The following PRDM8 variants were observed in gnomAD, a reference collection of about 807,000 sequenced individuals.
The protein encoded by PRDM8 is PR domain zinc finger protein 8.
A neutral mutation model predicts 46.5 loss-of-function variants in PRDM8; 13 were observed. The observed-to-expected ratio is 0.28, with a 90% CI of 0.18 to 0.44. The LOEUF (loss-of-function observed/expected upper bound fraction) is 0.44, where lower values mean the gene tolerates loss of function less well. Ranked by LOEUF, PRDM8 falls within the 20% of genes least tolerant of loss-of-function variation. The pLI, the probability that PRDM8 is intolerant of heterozygous loss-of-function variation, is 1.00. For missense variants in PRDM8, 998 were observed against 955.0 expected (o/e 1.04, Z -0.59); for synonymous variants, 473 against 438.4 (o/e 1.08, Z -0.98).
At chr4:80,188,372 T>A (rs1318061150) in intron 1 of PRDM8, among the ~76,000 whole-genome samples, 1 of 152,230 alleles carries the variant, frequency 6.6e-6, no homozygotes, top group Non-Finnish European at 1.5e-5. Flanking sequence ...ATAATATCCC[T>A]ATTTCACAGA....
intron 2 of PRDM8, among the ~76,000 whole-genome samples, chr4:80,192,348 T>G (rs1737617190): frequency 6.6e-6 from 1 of 152,236 alleles, no homozygotes; most frequent in East Asian, 1.9e-4. Flanking sequence ...ACACAGGTAC[T>G]GAATTGGGAT....
Position 80,201,929 on chromosome 4 carries a change from C to T in PRDM8, c.467C>T (p.Thr156Ile). ...CACTAAGCAGGGTCGTCCCCTTACA[C>T]ATGCCTGGAATGCAGCCAACGTTTC... ...HNKMNGSSPYTCLECSQRFQF... is the reference protein window; with the variant it reads ...HNKMNGSSPYICLECSQRFQF... Residue 156 changes from threonine (T) to isoleucine (I), a missense_variant, in exon 4 of 4, where the codon ACA becomes ATA. Physicochemically the swap from Thr to Ile is moderately conservative, Grantham distance 89 (BLOSUM62 -1). Transcript: ENST00000415738. 6.2e-7 allele frequency: 1 copy of T among 1,613,988 alleles called. No individual in the cohort carries two copies. Among genetic ancestry groups the T allele is most frequent in the South Asian group, 1.1e-5 (1 of 91,068 alleles).
Position 80,202,449 on chromosome 4 carries a change from G to C in PRDM8, c.987G>C (p.Leu329=). The change falls in exon 4 of 4, where the codon CTG becomes CTC. Residue 329 remains leucine, a synonymous_variant. Transcript: ENST00000415738. ...CGGAGGGCGGCGGTGGCGCTGGTCT[G>C]GTAGGGGGCCGGGGCCGCTTCGTAG... is the stretch of plus-strand genomic sequence containing the variant. ...EAAEGGGGAG[L]VGGRGRFVER... is the part of the protein sequence containing the mutation. 1 of 1,546,436 alleles carries C rather than the reference G, an allele frequency of 6.5e-7. No individual in the cohort carries two copies. Among genetic ancestry groups the C allele is most frequent in the Non-Finnish European group, 8.7e-7 (1 of 1,146,680 alleles).
chr4:80,203,802 T>TG lies in PRDM8; in HGVS notation c.*273dup, dbSNP rs940574256. ...AGAGCCAGGATGGTGGAGTTTTGAT[T>TG]GGGTGGGTTGTTTGAGGGGGTTTTC... On this transcript the variant is annotated 3_prime_UTR_variant, in exon 4 of 4. Transcript: ENST00000415738. 1.5e-5 allele frequency: 5 copies of TG among 323,688 alleles called. No homozygotes were observed. The highest frequency in any genetic ancestry group is 2.2e-5 in the Non-Finnish European group (4 of 180,916). 20.1% of individuals were successfully genotyped at this position (323,688 alleles called of 1,614,324 possible). A position where few individuals can be genotyped will look rare whatever the true frequency, so the allele number is the denominator to read the frequency against.
chr4:80,200,270 G>T lies in PRDM8; in HGVS notation c.190G>T (p.Asp64Tyr). 1 of 1,613,930 alleles carries T rather than the reference G, an allele frequency of 6.2e-7. No individual in the cohort carries two copies. The highest frequency in any genetic ancestry group is 2.2e-5 in the East Asian group (1 of 44,878). ...SIAFIALKST[D>Y]KRTVPYIFRV... The stretch of plus-strand genomic sequence containing the variant: ...AGCTTTCATAGCTCTCAAGTCTACT[G>T]ACAAGAGAACAGTACCGTATATCTT... Residue 64 changes from aspartate (D) to tyrosine (Y), a missense_variant, in exon 2 of 4, where the codon GAC becomes TAC. By Grantham distance (160) the Asp-to-Tyr change is radical (BLOSUM62 -3). Coordinates refer to ENST00000415738, the MANE Select transcript of PRDM8 (RefSeq NM_001099403.2).
rs1560472882 is a variant in PRDM8, at chr4:80,199,008, TTTTTTTTTTTA to T, written c.-2-1070_-2-1060del. On this transcript the variant is annotated intron_variant, in intron 1 of 3. Transcript: ENST00000415738. ...TTTTTTTTTTTGTTTTTTTTTTTTT[TTTTTTTTTTTA>T]GTGATAAGTCTTGTATGGGGTGTCC... is the stretch of plus-strand genomic sequence containing the variant. 3.4e-4 allele frequency among the ~76,000 whole-genome samples: 46 copies of T among 134,246 alleles called. 1 individual carries two copies. The highest frequency in any genetic ancestry group is 1.2e-3 in the African/African-American group (42 of 35,190). The allele number at this position is 134,246 out of a possible 152,430, so 88.1% of individuals were successfully genotyped here.
chr4:80,197,368 A>G (rs931117874), upstream of PRDM8: 23 of 967,702 alleles, frequency 2.4e-5, no homozygotes, highest in Non-Finnish European at 2.7e-5. Flanking sequence ...AGGCCGGGGG[A>G]AAAAGCTGCG....
At position 80,201,492 on chromosome 4, in the gene PRDM8, G is replaced by GC; in HGVS notation, c.426dup (p.Ser143LeufsTer2). On this transcript the variant is annotated frameshift_variant, in exon 3 of 4. Coordinates refer to ENST00000415738, the MANE Select transcript of PRDM8 (RefSeq NM_001099403.2). LOFTEE classifies it high-confidence loss of function. ...GAACTGACTGAGTTACTCTTGCTCT[G>GC]CCCCTCTAGATCCCACAACAAAATG... 6.2e-7 allele frequency: 1 copy of GC among 1,614,070 alleles called. No homozygotes were observed. Among genetic ancestry groups the GC allele is most frequent in the Admixed American group, 1.7e-5 (1 of 60,028 alleles).
intron 1 of PRDM8, among the ~76,000 whole-genome samples, chr4:80,188,598 C>T (rs1737299631): frequency 1.3e-5 from 2 of 152,206 alleles, no homozygotes. Context: ...CCTGAGTGTT[C>T]AAAATCCCAA....
intron 1 of PRDM8, chr4:80,190,199 G>A (rs967946881): frequency 3.3e-5 from 5 of 152,410 alleles, no homozygotes; most frequent in African/African-American, 9.6e-5. Flanking sequence ...GGTGGAAAGA[G>A]TGTTAGGTTC....
chr4:80,190,793 G>A (rs573640128), intron 1 of PRDM8, among the ~76,000 whole-genome samples: 4 of 152,282 alleles, frequency 2.6e-5, no homozygotes, highest in African/African-American at 7.2e-5. Context: ...CCTTGAGGAG[G>A]AGCAGCTAAT....
At position 80,204,320 on chromosome 4, in the gene PRDM8, TCAAAG is replaced by T. The variant is rs1738820217; in HGVS notation, c.*793_*797del. ...CTTTGACAATAAATGACTATTTTCTTCAAAGCAAATATTTGGAAAGTTTTTAAATT... is the reference window on the plus strand; with the variant it reads ...CTTTGACAATAAATGACTATTTTCTTCAAATATTTGGAAAGTTTTTAAATT... On this transcript the variant is annotated 3_prime_UTR_variant, in exon 4 of 4. Coordinates refer to ENST00000415738, the MANE Select transcript of PRDM8 (RefSeq NM_001099403.2). 1 of 152,696 alleles carries T rather than the reference TCAAAG, an allele frequency of 6.5e-6. No individual in the cohort carries two copies. The highest frequency in any genetic ancestry group is 2.4e-5 in the African/African-American group (1 of 41,474). The allele number at this position is 152,696 out of a possible 1,614,324, so 9.5% of individuals were successfully genotyped here.
chr4:80,201,219 G>A, intron 2 of PRDM8, 71 bp from the exon 3 acceptor site: 1 of 1,370,794 alleles, frequency 7.3e-7, no homozygotes, highest in South Asian at 1.2e-5. Context: ...TGATTCTTCT[G>A]ATTTCATTCC....
intron 3 of PRDM8, 114 bp downstream of exon 3, chr4:80,201,635 T>C (rs769208610): frequency 1.8e-6 from 2 of 1,102,012 alleles, no homozygotes; most frequent in Admixed American, 2.3e-5. Flanking sequence ...GGGTGTCTCA[T>C]AGGAAGATTC....
rs755993425 is a variant in PRDM8 at position 80,203,077 on chromosome 4, C to G, written c.1615C>G (p.Pro539Ala). 3 of 1,568,032 alleles carry G rather than the reference C, an allele frequency of 1.9e-6. No homozygotes were observed. The highest frequency in any genetic ancestry group is 2.8e-5 in the African/African-American group (2 of 72,706). The change falls in exon 4 of 4, where the codon CCC becomes GCC. Residue 539 changes from proline (P) to alanine (A), a missense_variant. Transcript: ENST00000415738. Reference protein sequence around the residue: ...ADGVGPTRLYPAAADPLAVKL... With the variant: ...ADGVGPTRLYAAAADPLAVKL... ...CGGCGTGGGCCCCACCAGACTCTAT[C>G]CCGCCGCCGCGGACCCTCTAGCGGT...
At position 80,203,307 on chromosome 4, in the gene PRDM8, C is replaced by T. The variant is rs771114381; in HGVS notation, c.1845C>T (p.Ser615=). ...LPSALTLLPP[S]FTSLCLPAQN... Reference sequence around the variant, plus strand: ...CGGCGCTCACGCTGCTGCCGCCCTCCTTCACCTCGCTGTGTCTGCCCGCGC... The same window carrying T: ...CGGCGCTCACGCTGCTGCCGCCCTCTTTCACCTCGCTGTGTCTGCCCGCGC... The change falls in exon 4 of 4, where the codon TCC becomes TCT. Residue 615 remains serine (S), a synonymous_variant. Coordinates refer to ENST00000415738, the MANE Select transcript of PRDM8 (RefSeq NM_001099403.2). The T allele has an allele frequency of 2.5e-6, 4 of 1,612,302 alleles. No individual in the cohort carries two copies. The highest frequency in any genetic ancestry group is 3.4e-6 in the Non-Finnish European group (4 of 1,179,630).
Position 80,202,229 on chromosome 4 carries a change from A to G in PRDM8, c.767A>G (p.Lys256Arg). 6.2e-7 allele frequency: 1 copy of G among 1,611,472 alleles called. No individual in the cohort carries two copies. Among genetic ancestry groups the G allele is most frequent in the Non-Finnish European group, 8.5e-7 (1 of 1,179,638 alleles). ...PSAAAGGSSA[K>R]PSTDFHNLAR... Reference sequence around the variant, plus strand: ...GCTGCCGCCGGCGGCAGCAGCGCGAAGCCATCCACAGACTTCCACAACCTG... The same window carrying G: ...GCTGCCGCCGGCGGCAGCAGCGCGAGGCCATCCACAGACTTCCACAACCTG... Residue 256 changes from lysine to arginine, a missense_variant, in exon 4 of 4, where the codon AAG becomes AGG. Lys to Arg is a conservative substitution (Grantham distance 26, BLOSUM62 2). Coordinates refer to ENST00000415738, the MANE Select transcript of PRDM8 (RefSeq NM_001099403.2).
At chr4:80,193,448 C>T (rs1198368923), upstream of PRDM8, among the ~76,000 whole-genome samples, 2 of 152,154 alleles carry the variant, frequency 1.3e-5, no homozygotes, top group Non-Finnish European at 2.9e-5. Context: ...TTTAAAAACC[C>T]ACCATGTATC....
chr4:80,200,642 C>A (rs185687811), intron 2 of PRDM8, among the ~76,000 whole-genome samples: 3 of 152,300 alleles, frequency 2.0e-5, no homozygotes, highest in Admixed American at 6.5e-5. Context: ...TCTGCAAGTT[C>A]TTTGACAAGT....
Sources: allele counts gnomAD v4.1 joint callset (sites outside exome capture counted in the v4.1 genomes callset), GRCh38; gene constraint gnomAD v4.1.1; transcripts MANE v1.5; gene names NCBI Gene and HGNC (gene_info 2026-07-23, HGNC 2026-07-21).